Variants in INTS8 observed in about 807,000 individuals in gnomAD.
The protein encoded by INTS8 is protein kaonashi-1.
In INTS8, 47 loss-of-function variants were observed where a neutral mutation model predicts 138.9. That is an observed-to-expected ratio of 0.34 (90% CI 0.27 to 0.43). The LOEUF (loss-of-function observed/expected upper bound fraction) is 0.43. Among genes scored for constraint, INTS8 ranks in the 20% least tolerant of loss-of-function variants. The pLI is 1.00. For synonymous variants in INTS8, 392 were observed against 400.9 expected, an observed-to-expected ratio of 0.98 and a Z score of 0.27; for missense variants, 996 against 1,173.0, an observed-to-expected ratio of 0.85 and a Z score of 2.20.
At chr8:94,867,705 G>C (rs746900914) in intron 20 of INTS8, 1 of 167,024 alleles carries the variant, frequency 6.0e-6, no homozygotes, top group Non-Finnish European at 1.3e-5. Context: ...TGTATTTTTA[G>C]TAGACACATG....
intron 10 of INTS8, among the ~76,000 whole-genome samples, chr8:94,845,712 C>T (rs532827007): frequency 1.1e-3 from 165 of 152,202 alleles, no homozygotes; most frequent in Non-Finnish European, 1.9e-3. Context: ...CTGCCCGCCT[C>T]GGCCTCCCAA....
chr8:94,832,695 C>T (rs954298124), intron 6 of INTS8, among the ~76,000 whole-genome samples: 5 of 151,882 alleles, frequency 3.3e-5, no homozygotes, highest in African/African-American at 9.7e-5. Context: ...TGCTCTGTCA[C>T]CCAGGCTGGA....
intron 14 of INTS8, among the ~76,000 whole-genome samples, chr8:94,855,871 A>G (rs1400011184): frequency 6.6e-6 from 1 of 152,274 alleles, no homozygotes; most frequent in Non-Finnish European, 1.5e-5. Flanking sequence ...GTGAATGTGC[A>G]GAAACACATT....
chr8:94,832,475 A>G (rs1814758870), intron 6 of INTS8, among the ~76,000 whole-genome samples: 1 of 152,188 alleles, frequency 6.6e-6, no homozygotes, highest in Admixed American at 6.5e-5. Flanking sequence ...ATTATCAGAA[A>G]TCTGATCAGA....
At chr8:94,831,745 G>A (rs987786259) in intron 5 of INTS8, among the ~76,000 whole-genome samples, 2 of 152,134 alleles carry the variant, frequency 1.3e-5, no homozygotes, top group African/African-American at 4.8e-5. Flanking sequence ...CTCCCAAAGT[G>A]CTGGGATTAT....
intron 15 of INTS8, among the ~76,000 whole-genome samples, chr8:94,858,117 A>G (rs1344835834): frequency 6.6e-6 from 1 of 152,206 alleles, no homozygotes; most frequent in Admixed American, 6.5e-5. Flanking sequence ...CGACACATAA[A>G]TCTTTCTTAG....
chr8:94,869,771 A>C (rs565849270), intron 20 of INTS8, among the ~76,000 whole-genome samples: 3 of 151,972 alleles, frequency 2.0e-5, no homozygotes, highest in South Asian at 2.1e-4. Context: ...GATTACAGGC[A>C]TGAGCCACTG....
At chr8:94,879,890 C>A in intron 26 of INTS8, 1 of 316,332 alleles carries the variant, frequency 3.2e-6, no homozygotes, top group Non-Finnish European at 5.8e-6. Context: ...TAAAATGCCA[C>A]TTAAGTAATT....
chr8:94,832,100 C>G lies in INTS8; in HGVS notation c.679C>G (p.Pro227Ala), dbSNP rs775108211. 12 of 1,613,596 alleles carry G rather than the reference C, an allele frequency of 7.4e-6. No individual in the cohort carries two copies. Among genetic ancestry groups the G allele is most frequent in the Non-Finnish European group, 9.3e-6 (11 of 1,179,850 alleles). ...MRTLDLLAME[P>A]GMVNGETESS... ...AACTCTAGATTTATTGGCCATGGAACCAGGCATGGTAAATGGAGAAACTGA... is the reference window on the plus strand; with the variant it reads ...AACTCTAGATTTATTGGCCATGGAAGCAGGCATGGTAAATGGAGAAACTGA... The change falls in exon 6 of 27, where the codon CCA becomes GCA. Residue 227 changes from proline (P) to alanine (A), a missense_variant. Transcript: ENST00000523731.
chr8:94,866,757 G>A (rs1816190757), intron 18 of INTS8: 1 of 191,894 alleles, frequency 5.2e-6, no homozygotes. Flanking sequence ...GGGGCTAGAT[G>A]TGTGAAGCCT....
At chr8:94,877,142 A>G (rs578231322) in intron 26 of INTS8, among the ~76,000 whole-genome samples, 2 of 152,318 alleles carry the variant, frequency 1.3e-5, no homozygotes, top group South Asian at 4.1e-4. Context: ...CCTGGCACAT[A>G]TTAGGTGCCC....
rs777062249 is a variant in INTS8, at chr8:94,849,552, TTTTTC to T, written c.1331+25_1331+29del. The T allele has an allele frequency of 2.2e-5, 30 of 1,387,452 alleles. No individual in the cohort carries two copies. The highest frequency in any genetic ancestry group is 1.8e-4 in the Middle Eastern group (1 of 5,478). 85.9% of individuals were successfully genotyped at this position (1,387,452 alleles called of 1,614,324 possible). A position where few individuals can be genotyped will look rare whatever the true frequency, so the allele number is the denominator to read the frequency against. ...TCTAAAGTAAGTACCTTTCTTTTCT[TTTTTC>T]TTTTTTTTTTTAACTTTGAACTTAG... is the stretch of plus-strand genomic sequence containing the variant. On this transcript the variant is annotated intron_variant, in intron 11 of 26. Transcript: ENST00000523731.
intron 5 of INTS8, among the ~76,000 whole-genome samples, chr8:94,830,358 C>T (rs1048502223): frequency 6.6e-6 from 1 of 152,212 alleles, no homozygotes; most frequent in Non-Finnish European, 1.5e-5. Flanking sequence ...CGATCTGTAT[C>T]TCACTATAGC....
rs1049058901 is a variant in INTS8 at position 94,860,981 on chromosome 8, C to T, written c.2076+1349C>T. Reference sequence around the variant, plus strand: ...CTGAGGCAGGAGAATGGCATGAACCCGGGAGGCGGAGCTTGCAGTGAGCCG... The same window carrying T: ...CTGAGGCAGGAGAATGGCATGAACCTGGGAGGCGGAGCTTGCAGTGAGCCG... On this transcript the variant is annotated intron_variant, in intron 16 of 26. Coordinates refer to ENST00000523731, the MANE Select transcript of INTS8 (RefSeq NM_017864.4). 8.8e-4 allele frequency among the ~76,000 whole-genome samples: 130 copies of T among 147,226 alleles called. 2 individuals are homozygous for T. The highest frequency in any genetic ancestry group is 1.6e-3 in the Non-Finnish European group (106 of 67,100).
chr8:94,863,572 A>T (rs994355866), intron 16 of INTS8, among the ~76,000 whole-genome samples: 1 of 152,212 alleles, frequency 6.6e-6, no homozygotes. Context: ...TGTCTTCTCT[A>T]TAAGACAATG....
At position 94,861,256 on chromosome 8, in the gene INTS8, A is replaced by ATTTT. The variant is rs1210530804; in HGVS notation, c.2076+1644_2076+1647dup. Among the ~76,000 whole-genome samples the ATTTT allele has an allele frequency of 2.6e-3, 149 of 57,370 alleles. 33 individuals are homozygous for ATTTT. The highest frequency in any genetic ancestry group is 9.6e-3 in the African/African-American group (131 of 13,626). The allele number at this position is 57,370 out of a possible 152,430, so 37.6% of individuals were successfully genotyped here. A position where few individuals can be genotyped will look rare whatever the true frequency, so the allele number is the denominator to read the frequency against. On this transcript the variant is annotated intron_variant, in intron 16 of 26. Transcript: ENST00000523731. ...CTTCAGTTTTTCCCCCCTTTTTGTA[A>ATTTT]TTTTTTTTTTTTTTTTTTTTTTTGA... is the stretch of plus-strand genomic sequence containing the variant.
chr8:94,829,632 C>G (rs1321208822), intron 5 of INTS8, among the ~76,000 whole-genome samples: 1 of 152,088 alleles, frequency 6.6e-6, no homozygotes, highest in Non-Finnish European at 1.5e-5. Flanking sequence ...GATGTGTCTT[C>G]TAATCTTGGG....
rs538198641 is a variant in INTS8, at chr8:94,866,371, C to T, written c.2295+180C>T. On this transcript the variant is annotated intron_variant, in intron 18 of 26. Transcript: ENST00000523731. ...GCTGAGGTGTGATTGTAACTCACTG[C>T]GTCTTCTAATTCTTGAGGTTAAGCA... The T allele has an allele frequency of 7.0e-4, 418 of 596,820 alleles. 10 individuals carry two copies. The highest frequency in any genetic ancestry group is 6.5e-3 in the South Asian group (405 of 62,128). The allele number at this position is 596,820 out of a possible 1,614,324, so 37.0% of individuals were successfully genotyped here.
In INTS8 at chr8:94,826,859, A is replaced by G. The variant is rs556092552; in HGVS notation, c.306-404A>G. Reference sequence around the variant, plus strand: ...GGTGGCTCACGCCTGTAATCCCAGCACTGTGGGAGGCTGAGGCAGGCAGAT... The same window carrying G: ...GGTGGCTCACGCCTGTAATCCCAGCGCTGTGGGAGGCTGAGGCAGGCAGAT... On this transcript the variant is annotated intron_variant, in intron 2 of 26. Coordinates refer to ENST00000523731, the MANE Select transcript of INTS8 (RefSeq NM_017864.4). Among the ~76,000 whole-genome samples, 3 of 152,298 alleles carry G rather than the reference A, an allele frequency of 2.0e-5. No homozygotes were observed. In the East Asian group the frequency reaches 5.8e-4, roughly 29 times the overall value.
Sources: allele counts gnomAD v4.1 joint callset (sites outside exome capture counted in the v4.1 genomes callset), GRCh38; gene constraint gnomAD v4.1.1; transcripts MANE v1.5; gene names NCBI Gene and HGNC (gene_info 2026-07-23, HGNC 2026-07-21).